The following DPP6 variants were observed in gnomAD, a reference collection of about 807,000 sequenced individuals.
DPP6 encodes A-type potassium channel modulatory protein DPP6.
A neutral mutation model predicts 122.6 loss-of-function variants in DPP6; 69 were observed. That is an observed-to-expected ratio of 0.56 (90% confidence interval 0.46 to 0.69). The LOEUF (loss-of-function observed/expected upper bound fraction) is 0.69. DPP6 is among the 30% of genes least tolerant of loss of function. The probability of loss-of-function intolerance (pLI) is 0.00; values close to 1 mark genes in which losing one functional copy is unlikely to be tolerated. For synonymous variants in DPP6, 418 were observed against 433.1 expected (o/e 0.97, Z 0.43); for missense variants, 928 against 1,116.9 (o/e 0.83, Z 2.41).
chr7:154,376,322 T>C (rs1813129121), intron 1 of DPP6, among the ~76,000 whole-genome samples: 1 of 152,196 alleles, frequency 6.6e-6, no homozygotes, highest in Non-Finnish European at 1.5e-5. Context: ...AAAATACTTT[T>C]AGCAGGACAT....
At chr7:154,648,297 G>A (rs868680250) in intron 6 of DPP6, among the ~76,000 whole-genome samples, 1 of 151,134 alleles carries the variant, frequency 6.6e-6, no homozygotes, top group African/African-American at 2.4e-5. Flanking sequence ...TGAGCCCCTC[G>A]CAAGTGCCAG....
the DPP6 span, among the ~76,000 whole-genome samples, chr7:153,827,476 C>T: frequency 0.012 from 1,843 of 152,182 alleles, 34 homozygotes; most frequent in African/African-American, 0.042. Context: ...GGGGAGCTTG[C>T]GACTGGAGGA....
rs2337379 is a variant in DPP6 at position 154,422,670 on chromosome 7, G to A, written c.244-23544G>A. ...GGTGAATGGGTAGGTGGATGGGTGG[G>A]TGGATGGGTGGATGGATGGATGGTG... is the stretch of plus-strand genomic sequence containing the variant. On this transcript the variant is annotated intron_variant, in intron 1 of 25. Coordinates refer to ENST00000377770, the MANE Select transcript of DPP6 (RefSeq NM_130797.4). Among the ~76,000 whole-genome samples, 8 of 49,476 alleles carry A rather than the reference G, an allele frequency of 1.6e-4. 1 individual carries two copies. The South Asian group carries it at 5.1e-3, about 31-fold the overall frequency. 32.5% of individuals were successfully genotyped at this position (49,476 alleles called of 152,430 possible).
chr7:153,890,449 A>G (rs147844159), intron 1 of DPP6, among the ~76,000 whole-genome samples: 1 of 152,334 alleles, frequency 6.6e-6, no homozygotes, highest in Non-Finnish European at 1.5e-5. Flanking sequence ...GGAGTTCTAC[A>G]AGAATGGTGA....
chr7:154,747,590 C>T (rs1052990202), intron 8 of DPP6, among the ~76,000 whole-genome samples: 66 of 152,322 alleles, frequency 4.3e-4, no homozygotes, highest in Middle Eastern at 3.4e-3. Context: ...TAGTCACTTA[C>T]TAGGCACTCG....
intron 5 of DPP6, among the ~76,000 whole-genome samples, chr7:154,567,583 G>A (rs983185460): frequency 3.3e-5 from 5 of 152,188 alleles, no homozygotes; most frequent in African/African-American, 9.7e-5. Context: ...TTGTATAAGT[G>A]GAGAGGATGT....
chr7:154,578,856 G>A (rs1831857821), intron 5 of DPP6, among the ~76,000 whole-genome samples: 1 of 152,056 alleles, frequency 6.6e-6, no homozygotes, highest in Admixed American at 6.5e-5. Context: ...GAACATGCAG[G>A]GTTATTCTTC....
At chr7:154,864,648 G>A (rs1803696911) in intron 17 of DPP6, among the ~76,000 whole-genome samples, 1 of 152,228 alleles carries the variant, frequency 6.6e-6, no homozygotes, top group Admixed American at 6.5e-5. Context: ...TCCCCTGTGG[G>A]ACAGTCAGCT....
chr7:154,688,511 G>C (rs546702190), intron 7 of DPP6, among the ~76,000 whole-genome samples: 77 of 152,070 alleles, frequency 5.1e-4, no homozygotes, highest in Non-Finnish European at 7.5e-4. Flanking sequence ...AGACTAATTA[G>C]TTAGAGGGAC....
the DPP6 span, among the ~76,000 whole-genome samples, chr7:153,848,694 A>C: frequency 6.6e-6 from 1 of 152,158 alleles, no homozygotes; most frequent in Non-Finnish European, 1.5e-5. Flanking sequence ...TCATTATGAA[A>C]CCCAGAACGA....
At chr7:154,431,111 C>T (rs1328373276) in intron 1 of DPP6, among the ~76,000 whole-genome samples, 11 of 152,264 alleles carry the variant, frequency 7.2e-5, no homozygotes, top group Non-Finnish European at 2.9e-5. Context: ...GTGAAGTCCT[C>T]AGAGGAAGGA....
In DPP6 at chr7:154,241,185, A is replaced by ATGCGTGTGTGTGTGTG. The variant is rs34454400; in HGVS notation, c.243+188124_243+188125insCGTGTGTGTGTGTGTG. 6.6e-3 allele frequency among the ~76,000 whole-genome samples: 901 copies of ATGCGTGTGTGTGTGTG among 136,262 alleles called. 13 individuals carry two copies. The highest frequency in any genetic ancestry group is 0.018 in the East Asian group (84 of 4,692). 89.4% of individuals were successfully genotyped at this position (136,262 alleles called of 152,430 possible). ...GCACAGTAGGTAATTCAATATCAAT[A>ATGCGTGTGTGTGTGTG]TGTGTGTGTGTGTGTGTGTGTGTGT... On this transcript the variant is annotated intron_variant, in intron 1 of 25. Transcript: ENST00000377770. This position sits in a 1 kb window ranked among gnomAD's most constrained non-coding sequence, Gnocchi z 9.0.
chr7:153,990,247 G>C (rs1231577989), intron 1 of DPP6, among the ~76,000 whole-genome samples: 3 of 105,260 alleles, frequency 2.9e-5, no homozygotes, highest in Non-Finnish European at 3.8e-5. Context: ...CCCTCAGGCA[G>C]CCCCACCTGC....
intron 3 of DPP6, among the ~76,000 whole-genome samples, chr7:154,527,822 T>A (rs1274935787): frequency 6.6e-6 from 1 of 152,188 alleles, no homozygotes; most frequent in African/African-American, 2.4e-5. Context: ...ATTTAAATTT[T>A]TAACATACGC....
intron 6 of DPP6, among the ~76,000 whole-genome samples, chr7:154,657,833 G>T (rs1325706875): frequency 1.3e-5 from 2 of 152,170 alleles, no homozygotes; most frequent in African/African-American, 4.8e-5. Context: ...AAAGAGACTG[G>T]TGGAGCAAAA....
chr7:154,835,580 G>A (rs1322416393), intron 16 of DPP6, among the ~76,000 whole-genome samples: 2 of 152,196 alleles, frequency 1.3e-5, no homozygotes, highest in African/African-American at 4.8e-5. Context: ...GGACCCCAAA[G>A]TGTTTTGGTG....
At chr7:154,548,614 G>T (rs1829396087) in intron 4 of DPP6, among the ~76,000 whole-genome samples, 1 of 152,036 alleles carries the variant, frequency 6.6e-6, no homozygotes, top group Non-Finnish European at 1.5e-5. Flanking sequence ...CAGGCTAAGG[G>T]CTGTGTACCA....
At chr7:154,527,557 C>CA (rs1316746944) in intron 3 of DPP6, among the ~76,000 whole-genome samples, 2 of 151,956 alleles carry the variant, frequency 1.3e-5, no homozygotes, top group African/African-American at 4.8e-5. Context: ...AATAATAGAA[C>CA]ACTGTTTCTA....
intron 1 of DPP6, among the ~76,000 whole-genome samples, chr7:154,151,616 A>C (rs2150686844): frequency 6.6e-6 from 1 of 152,312 alleles, no homozygotes; most frequent in Non-Finnish European, 1.5e-5. Context: ...AGGCAGGTAC[A>C]CACATAGCCA....
Sources: gnomAD v4.1 joint callset for allele counts (sites outside exome capture counted in the v4.1 genomes callset) on GRCh38, gnomAD v4.1.1 for gene constraint, Gnocchi (gnomAD v3.1) non-coding constraint, MANE v1.5 for transcripts, NCBI Gene and HGNC (gene_info 2026-07-23, HGNC 2026-07-21) for gene names.